The following TTN variants were observed in gnomAD, a reference collection of about 807,000 sequenced individuals.
TTN encodes the protein connectin.
In TTN, 1,525 loss-of-function variants were observed where a neutral mutation model predicts 3,223.0. That is an observed-to-expected ratio of 0.47 (90% CI 0.45 to 0.49). The LOEUF (loss-of-function observed/expected upper bound fraction) is 0.49. TTN is among the 20% of genes least tolerant of loss of function. The pLI is 0.00. For missense variants in TTN, 40,786 were observed against 43,424.0 expected (o/e 0.94, Z 5.40); for synonymous variants, 14,094 against 15,161.0 (o/e 0.93, Z 5.17).
At chr2:178,800,289 A>G (rs1328223661) in intron 4 of TTN, 106 bp downstream of exon 4, 5 of 1,458,192 alleles carry the variant, frequency 3.4e-6, no homozygotes, top group Non-Finnish European at 4.7e-6. Context: ...ATCAGCTCAC[A>G]GCATTCTTCC....
In TTN at chr2:178,664,788, T is replaced by A. The variant is rs567600529; in HGVS notation, c.36119-51A>T. 2.5e-6 allele frequency: 4 copies of A among 1,610,108 alleles called. No individual in the cohort carries two copies. The Admixed American group carries it at 6.7e-5, about 27-fold the overall frequency. Reference sequence around the variant, plus strand: ...TTAGTGTTATGCAGATAACTAGGAATAGCAAAAATATTCTCAAAACTACAA... The same window carrying A: ...TTAGTGTTATGCAGATAACTAGGAAAAGCAAAAATATTCTCAAAACTACAA... On this transcript the variant is annotated intron_variant, in intron 166 of 362. Transcript: ENST00000589042.
chr2:178,594,769 T>C (rs2051054268), intron 295 of TTN, 123 bp from the exon 296 acceptor site: 1 of 745,106 alleles, frequency 1.3e-6, no homozygotes, highest in Admixed American at 3.1e-5. Flanking sequence ...CTCCCATAAA[T>C]AGCAAAAGAG....
In TTN at chr2:178,728,339, G is replaced by T. The variant is rs780158564; in HGVS notation, c.19485C>A (p.Gly6495=). The change falls in exon 67 of 363, where the codon GGC becomes GGA. Residue 6495 remains glycine (G), a synonymous_variant. Transcript: ENST00000589042. The part of the protein sequence containing the change: ...KKLTKMDKVL[G]SSIHMECKVS... ...CCTTGCACTCCATATGAATAGAAGA[G>T]CCCAGAACTTTATCCATTTTGGTTA... 2 of 1,609,222 alleles carry T rather than the reference G, an allele frequency of 1.2e-6. No homozygotes were observed. Among genetic ancestry groups the T allele is most frequent in the Admixed American group, 3.4e-5 (2 of 59,186 alleles).
In TTN at chr2:178,578,893, C is replaced by T. The variant is rs895744220; in HGVS notation, c.68137G>A (p.Glu22713Lys). ...TCGGCACTGACCCTGAAGGTATATT[C>T]CATGCCCTCATGAAGTCTGGTTACT... is the stretch of plus-strand genomic sequence containing the variant. ...FRVTRLHEGM[E>K]YTFRVSAENK... The change falls in exon 320 of 363, where the codon GAA becomes AAA. Residue 22713 changes from glutamate to lysine, a missense_variant. Coordinates refer to ENST00000589042, the MANE Select transcript of TTN (RefSeq NM_001267550.2). 4 of 1,613,312 alleles carry T rather than the reference C, an allele frequency of 2.5e-6. No homozygotes were observed. The highest frequency in any genetic ancestry group is 3.4e-6 in the Non-Finnish European group (4 of 1,179,478).
Position 178,717,234 on chromosome 2 carries a change from GC to G in TTN, c.25499del (p.Gly8500AlafsTer5), listed in dbSNP as rs767623607. 3.7e-6 allele frequency: 6 copies of G among 1,613,676 alleles called. No individual in the cohort carries two copies. In the South Asian group the frequency reaches 6.6e-5, roughly 18 times the overall value. ...TTTCTACCAAAGTCATCTTGTAGTT[GC>G]CTCCAGGGCGAATCTCTCGGTTATC... The part of the protein sequence containing the change: ...AKDNREIRPG[G>X]NYKMTLVENT... On this transcript the variant is annotated frameshift_variant, in exon 88 of 363. Transcript: ENST00000589042. LOFTEE classifies it high-confidence loss of function.
intron 252 of TTN, 26 bp from the exon 253 acceptor site, chr2:178,618,107 A>G (rs757271329): frequency 3.4e-5 from 54 of 1,611,040 alleles, no homozygotes; most frequent in Non-Finnish European, 4.3e-5. Flanking sequence ...GAAGAAGAAA[A>G]TATGAGTTTG....
rs577904312 is a variant in TTN, at chr2:178,547,789, C to A, written c.93837G>T (p.Met31279Ile). Reference protein sequence around the residue: ...DRTTLTVKDSMRGDSGRYFLT... With the variant: ...DRTTLTVKDSIRGDSGRYFLT... Reference sequence around the variant, plus strand: ...AGAAGTATCTTCCAGAGTCACCTCTCATGCTGTCCTTTACAGTCAGTGTGG... The same window carrying A: ...AGAAGTATCTTCCAGAGTCACCTCTAATGCTGTCCTTTACAGTCAGTGTGG... Residue 31279 changes from methionine (M) to isoleucine (I), a missense_variant, in exon 339 of 363, where the codon ATG (methionine) becomes ATT (isoleucine). Transcript: ENST00000589042. 1 of 1,613,912 alleles carries A rather than the reference C, an allele frequency of 6.2e-7. No individual in the cohort carries two copies. The highest frequency in any genetic ancestry group is 1.3e-5 in the African/African-American group (1 of 75,048).
rs775192641 is a variant in TTN, at chr2:178,591,236, G to A, written c.60489C>T (p.Ala20163=). The A allele has an allele frequency of 4.0e-5, 65 of 1,613,252 alleles. No homozygotes were observed. The highest frequency in any genetic ancestry group is 8.0e-5 in the African/African-American group (6 of 74,868). Residue 20163 remains alanine, a synonymous_variant, in exon 304 of 363, where the codon GCC becomes GCT. Transcript: ENST00000589042. ...VSNAAGSKTV[A]VHLTVLDVPG... is the part of the protein sequence containing the mutation. Reference sequence around the variant, plus strand: ...GAACATCAAGAACAGTAAGATGTACGGCTACTGTTTTGCTACCGGCTGCAT... The same window carrying A: ...GAACATCAAGAACAGTAAGATGTACAGCTACTGTTTTGCTACCGGCTGCAT...
Position 178,729,518 on chromosome 2 carries a change from T to C in TTN, c.18638A>G (p.Tyr6213Cys), listed in dbSNP as rs1489995255. The C allele has an allele frequency of 6.2e-7, 1 of 1,613,572 alleles. No individual in the cohort carries two copies. The highest frequency in any genetic ancestry group is 1.7e-4 in the Middle Eastern group (1 of 6,048). ...TTCACACTCCAGCTCCACGTCACTA[T>C]ATTTTACTACCTCCACAGGCTTCAG... ...RELKPVEVVK[Y>C]SDVELECEVT... is the part of the protein sequence containing the mutation. The change falls in exon 64 of 363, where the codon TAT (tyrosine) becomes TGT (cysteine). Residue 6213 changes from tyrosine (Y) to cysteine (C), a missense_variant. By Grantham distance (194) the Tyr-to-Cys change is radical. Coordinates refer to ENST00000589042, the MANE Select transcript of TTN (RefSeq NM_001267550.2).
rs1351014934 is a variant in TTN, at chr2:178,607,418, G to A, written c.53270C>T (p.Ala17757Val). 6 of 1,612,900 alleles carry A rather than the reference G, an allele frequency of 3.7e-6. No homozygotes were observed. Among genetic ancestry groups the A allele is most frequent in the African/African-American group, 1.3e-5 (1 of 74,834 alleles). Residue 17757 changes from alanine to valine, a missense_variant, in exon 277 of 363, where the codon GCC becomes GTC. Ala to Val is a moderately conservative substitution (Grantham distance 64). Transcript: ENST00000589042. ...TTCCTTACCAAAAACTTCTACCCTG[G>A]CTGCTGCAAATTTGGAACCACAGCT... ...TNSCGSKFAAARVEVFDVPGP... is the reference protein window; with the variant it reads ...TNSCGSKFAAVRVEVFDVPGP...
Position 178,562,444 on chromosome 2 carries a change from A to G in TTN, c.83688T>C (p.Thr27896=), listed in dbSNP as rs781688231. ...TAGTCTGCATTTCAACCACATAACCAGTAATTTTGCTGCCACCATCACTTT... is the reference window on the plus strand; with the variant it reads ...TAGTCTGCATTTCAACCACATAACCGGTAATTTTGCTGCCACCATCACTTT... ...KPESDGGSKI[T]GYVVEMQTKG... Residue 27896 remains threonine, a synonymous_variant, in exon 326 of 363, where the codon ACT becomes ACC. Transcript: ENST00000589042. 8 of 1,613,338 alleles carry G rather than the reference A, an allele frequency of 5.0e-6. No individual in the cohort carries two copies. The highest frequency in any genetic ancestry group is 6.8e-6 in the Non-Finnish European group (8 of 1,179,622).
rs1009639599 is a variant in TTN, at chr2:178,590,066, G to A, written c.61659C>T (p.Asn20553=). The A allele has an allele frequency of 1.9e-6, 3 of 1,613,190 alleles. No homozygotes were observed. The highest frequency in any genetic ancestry group is 2.5e-6 in the Non-Finnish European group (3 of 1,179,492). ...CTGAACCTTGGGCATGTCCACTGCT[G>A]TTCTTAGCTGAGATGATATACTTGC... ...DHGKYIISAK[N]SSGHAQGSAI... is the part of the protein sequence containing the mutation. Residue 20553 remains asparagine (N), a synonymous_variant, in exon 304 of 363, where the codon AAC becomes AAT. Transcript: ENST00000589042.
chr2:178,742,142 G>C (rs1051907511), intron 47 of TTN, among the ~76,000 whole-genome samples: 2 of 151,922 alleles, frequency 1.3e-5, no homozygotes, highest in African/African-American at 4.8e-5. Flanking sequence ...AGCAATTTTT[G>C]ATCCACTTCA....
At chr2:178,550,417 T>C (rs1698910562) in intron 336 of TTN, 144 bp from the exon 337 acceptor site, 1 of 658,034 alleles carries the variant, frequency 1.5e-6, no homozygotes. Flanking sequence ...GAAAGTAGGA[T>C]TGATAATTGA....
At position 178,775,104 on chromosome 2, in the gene TTN, C is replaced by T. The variant is rs768181882; in HGVS notation, c.6607G>A (p.Val2203Ile). The change falls in exon 29 of 363, where the codon GTC (valine) becomes ATC (isoleucine). Residue 2203 changes from valine (V) to isoleucine (I), a missense_variant. By Grantham distance (29) the Val-to-Ile change is conservative (BLOSUM62 3). Coordinates refer to ENST00000589042, the MANE Select transcript of TTN (RefSeq NM_001267550.2). ...TFECETSEPF[V>I]KVKWYKDGME... is the part of the protein sequence containing the mutation. ...CCATCTTTATACCATTTCACTTTGA[C>T]AAATGGTTCTGAAGTTTCACATTCA... The T allele has an allele frequency of 6.2e-7, 1 of 1,613,922 alleles. No individual in the cohort carries two copies. Among genetic ancestry groups the T allele is most frequent in the Non-Finnish European group, 8.5e-7 (1 of 1,179,976 alleles).
At position 178,535,872 on chromosome 2, in the gene TTN, A is replaced by G. The variant is rs1246132740; in HGVS notation, c.100766-23T>C. 9 of 1,513,328 alleles carry G rather than the reference A, an allele frequency of 5.9e-6. No individual in the cohort carries two copies. The East Asian group carries it at 2.1e-4, about 35-fold the overall frequency. The allele number at this position is 1,513,328 out of a possible 1,614,324, so 93.7% of individuals were successfully genotyped here. A position where few individuals can be genotyped will look rare whatever the true frequency, so the allele number is the denominator to read the frequency against. On this transcript the variant is annotated intron_variant, in intron 357 of 362. Transcript: ENST00000589042. ...GAACTGTATCAGAAAAAAAAAAAAA[A>G]AGAATATAATTTAGCAACATCTAAC... is the stretch of plus-strand genomic sequence containing the variant.
chr2:178,566,881 C>G lies in TTN; in HGVS notation c.79251G>C (p.Glu26417Asp), dbSNP rs369019463. 140 of 1,613,436 alleles carry G rather than the reference C, an allele frequency of 8.7e-5. No individual in the cohort carries two copies. Among genetic ancestry groups the G allele is most frequent in the Non-Finnish European group, 1.1e-4 (135 of 1,179,670 alleles). ...WNRPDSDGGS[E>D]IIGYIVEKRD... ...TTTTCTCTACAATGTAACCAATAAT[C>G]TCACTTCCACCATCACTATCTGGAC... The change falls in exon 326 of 363, where the codon GAG (glutamate) becomes GAC (aspartate). Residue 26417 changes from glutamate (E) to aspartate (D), a missense_variant. Coordinates refer to ENST00000589042, the MANE Select transcript of TTN (RefSeq NM_001267550.2).
In TTN at chr2:178,541,399, G is replaced by A. The variant is rs760762257; in HGVS notation, c.97678C>T (p.Arg32560Cys). The part of the protein sequence containing the change: ...NKVPVTMTRY[R>C]STGLTEGLEY... The stretch of plus-strand genomic sequence containing the variant: ...AAGCCTTCAGTAAGGCCAGTGGAGC[G>A]GTACCGTGTCATTGTCACAGGTACT... Residue 32560 changes from arginine to cysteine, a missense_variant, in exon 350 of 363, where the codon CGC becomes TGC. Transcript: ENST00000589042. 2.3e-5 allele frequency: 37 copies of A among 1,612,034 alleles called. No individual in the cohort carries two copies. In the East Asian group the frequency reaches 3.8e-4, roughly 17 times the overall value.
chr2:178,565,785 G>A lies in TTN; in HGVS notation c.80347C>T (p.Pro26783Ser). ...DAVKAAEPPS[P>S]PGKVTLTDVS... ...TCAGTGAGTGTAACCTTTCCTGGTG[G>A]GGAAGGAGGTTCAGCAGCTTTCACG... The change falls in exon 326 of 363, where the codon CCA becomes TCA. Residue 26783 changes from proline (P) to serine (S), a missense_variant. By Grantham distance (74) the Pro-to-Ser change is moderately conservative (BLOSUM62 -1). Transcript: ENST00000589042. The A allele has an allele frequency of 6.2e-7, 1 of 1,613,576 alleles. No homozygotes were observed. Among genetic ancestry groups the A allele is most frequent in the South Asian group, 1.1e-5 (1 of 91,080 alleles).
Sources: gnomAD v4.1 joint callset for allele counts (sites outside exome capture counted in the v4.1 genomes callset) on GRCh38, gnomAD v4.1.1 for gene constraint, MANE v1.5 for transcripts, NCBI Gene and HGNC (gene_info 2026-07-23, HGNC 2026-07-21) for gene names.